Variants in MOCOS observed in about 807,000 individuals in gnomAD.
MOCOS encodes the protein human molybdenum cofactor sulfurase.
MOCOS carries 86 observed loss-of-function variants against 83.6 expected under a neutral mutation model. The ratio of observed to expected loss-of-function variants is 1.03; its 90% confidence interval spans 0.86 to 1.23. The LOEUF (loss-of-function observed/expected upper bound fraction) is 1.23. MOCOS is among the 50% of genes most tolerant of loss of function. MOCOS has a pLI of 0.00. For synonymous variants in MOCOS, 445 were observed against 434.7 expected (o/e 1.02, Z -0.29); for missense variants, 1,120 against 1,126.9 (o/e 0.99, Z 0.09).
intron 9 of MOCOS, among the ~76,000 whole-genome samples, chr18:36,239,780 C>T (rs1232971789): frequency 1.1e-4 from 16 of 150,036 alleles, no homozygotes; most frequent in East Asian, 3.9e-4. Flanking sequence ...ACCAATCAGA[C>T]GTAGATTTGG....
At chr18:36,252,111 C>T (rs2091624241) in intron 11 of MOCOS, among the ~76,000 whole-genome samples, 1 of 152,124 alleles carries the variant, frequency 6.6e-6, no homozygotes, top group African/African-American at 2.4e-5. Context: ...CTTAAAATAG[C>T]ACCTGGCACA....
At chr18:36,223,913 C>T (rs1172384644) in intron 9 of MOCOS, among the ~76,000 whole-genome samples, 3 of 152,140 alleles carry the variant, frequency 2.0e-5, no homozygotes, top group Admixed American at 1.3e-4. Flanking sequence ...CTCACTGCAG[C>T]CTTGAACTCC....
At chr18:36,228,314 T>C (rs559280457) in intron 9 of MOCOS, among the ~76,000 whole-genome samples, 32 of 152,010 alleles carry the variant, frequency 2.1e-4, no homozygotes, top group African/African-American at 7.7e-4. Context: ...TTTGACCCAG[T>C]AATCCCATTA....
intron 14 of MOCOS, 121 bp from the exon 15 acceptor site, chr18:36,268,412 A>C: frequency 1.7e-6 from 2 of 1,209,862 alleles, no homozygotes; most frequent in Non-Finnish European, 2.4e-6. Context: ...GGAGATATCA[A>C]GTCTCAGTAT....
rs555380357 is a variant in MOCOS, at chr18:36,234,105, T to C, written c.1960+13888T>C. ...GGGTTCTTGGTCATGAATTCTTTGCTTACCGCAATATCTAGAAGGGTTTTT... is the reference window on the plus strand; with the variant it reads ...GGGTTCTTGGTCATGAATTCTTTGCCTACCGCAATATCTAGAAGGGTTTTT... On this transcript the variant is annotated intron_variant, in intron 9 of 14. Transcript: ENST00000261326. Among the ~76,000 whole-genome samples the C allele has an allele frequency of 3.7e-4, 56 of 152,310 alleles. 1 individual carries two copies. Among genetic ancestry groups the C allele is most frequent in the South Asian group, 1.7e-3 (8 of 4,826 alleles).
At chr18:36,267,405 G>A (rs891374070) in intron 14 of MOCOS, among the ~76,000 whole-genome samples, 1 of 152,158 alleles carries the variant, frequency 6.6e-6, no homozygotes, top group African/African-American at 2.4e-5. Context: ...AAGAATTCCA[G>A]GAAGCCAAGA....
chr18:36,202,993 A>G, intron 4 of MOCOS, 120 bp from the exon 5 acceptor site: 1 of 935,612 alleles, frequency 1.1e-6, no homozygotes, highest in East Asian at 2.4e-5. Context: ...TTAGGTGGAG[A>G]CATAAAGCCA....
chr18:36,263,654 G>A (rs2091671764), intron 13 of MOCOS, among the ~76,000 whole-genome samples: 1 of 152,200 alleles, frequency 6.6e-6, no homozygotes, highest in African/African-American at 2.4e-5. Flanking sequence ...AATCTGGGAT[G>A]TCCTGGGATG....
At chr18:36,240,548 C>G (rs1008538701) in intron 9 of MOCOS, among the ~76,000 whole-genome samples, 6 of 151,370 alleles carry the variant, frequency 4.0e-5, no homozygotes, top group Non-Finnish European at 8.8e-5. Context: ...AGCTGTCAGA[C>G]AGGGACATTT....
chr18:36,208,220 A>T (rs2091441587), intron 6 of MOCOS, among the ~76,000 whole-genome samples: 1 of 152,122 alleles, frequency 6.6e-6, no homozygotes, highest in African/African-American at 2.4e-5. Context: ...GTTTGATGTC[A>T]TGTAGTGTGA....
chr18:36,187,866 G>T (rs1020749549), intron 1 of MOCOS, among the ~76,000 whole-genome samples, 185 bp downstream of exon 1: 4 of 152,206 alleles, frequency 2.6e-5, no homozygotes, highest in Non-Finnish European at 5.9e-5. Flanking sequence ...CAGCCCCAAG[G>T]CTTCTTGCTA....
chr18:36,210,377 C>G (rs575306388), intron 6 of MOCOS, among the ~76,000 whole-genome samples: 1 of 152,114 alleles, frequency 6.6e-6, no homozygotes, highest in African/African-American at 2.4e-5. Context: ...TGTGCAGACC[C>G]CTTGCCCCCA....
In MOCOS at chr18:36,239,387, CT is replaced by C. The variant is rs1265772102; in HGVS notation, c.1961-9533del. On this transcript the variant is annotated intron_variant, in intron 9 of 14. Coordinates refer to ENST00000261326, the MANE Select transcript of MOCOS (RefSeq NM_017947.4). ...TGTAAAGTATTTTATTTCTCCTTCA[CT>C]TATGAAGCTTAGTTTGGCTGGATAT... Among the ~76,000 whole-genome samples, 154 of 146,890 alleles carry C rather than the reference CT, an allele frequency of 1.0e-3. No individual in the cohort carries two copies. The South Asian group carries it at 0.017, about 16-fold the overall frequency.
At chr18:36,225,853 C>A (rs1016772338) in intron 9 of MOCOS, among the ~76,000 whole-genome samples, 2 of 150,284 alleles carry the variant, frequency 1.3e-5, no homozygotes, top group Non-Finnish European at 3.0e-5. Flanking sequence ...TTTCCATTTT[C>A]TTGCTGCTAC....
At chr18:36,242,342 C>T (rs774795333) in intron 9 of MOCOS, among the ~76,000 whole-genome samples, 17 of 152,222 alleles carry the variant, frequency 1.1e-4, no homozygotes, top group Non-Finnish European at 2.1e-4. Flanking sequence ...CTATCTGAGA[C>T]TACCTTAGCC....
intron 5 of MOCOS, 56 bp from the exon 6 acceptor site, chr18:36,205,016 AGAGTG>A: frequency 3.1e-5 from 38 of 1,242,556 alleles, no homozygotes; most frequent in South Asian, 6.6e-5. Flanking sequence ...AAAAAAAAAA[AGAGTG>A]AATTGAGAAT....
At position 36,272,154 on chromosome 18, in the gene MOCOS, T is replaced by G. The variant is rs1188969609; in HGVS notation, c.*3469T>G. The G allele has an allele frequency of 6.6e-6, 1 of 152,216 alleles. No individual in the cohort carries two copies. The highest frequency in any genetic ancestry group is 2.4e-5 in the African/African-American group (1 of 41,452). 9.4% of individuals were successfully genotyped at this position (152,216 alleles called of 1,614,324 possible). A position where few individuals can be genotyped will look rare whatever the true frequency, so the allele number is the denominator to read the frequency against. Reference sequence around the variant, plus strand: ...TGATAATTAAAACGTTTTGGAACAATTCATCTCAATTTTCTTTGCTTTGTT... The same window carrying G: ...TGATAATTAAAACGTTTTGGAACAAGTCATCTCAATTTTCTTTGCTTTGTT... On this transcript the variant is annotated 3_prime_UTR_variant, in exon 15 of 15. Coordinates refer to ENST00000261326, the MANE Select transcript of MOCOS (RefSeq NM_017947.4).
intron 1 of MOCOS, among the ~76,000 whole-genome samples, chr18:36,192,057 C>T (rs2091368166): frequency 1.3e-5 from 2 of 152,180 alleles, no homozygotes; most frequent in Admixed American, 6.5e-5. Flanking sequence ...TGAAACAAGA[C>T]AAAAGTGCCT....
At chr18:36,219,218 A>C (rs1316947842) in intron 8 of MOCOS, among the ~76,000 whole-genome samples, 1 of 142,150 alleles carries the variant, frequency 7.0e-6, no homozygotes, top group African/African-American at 2.7e-5. Context: ...ACAGAGTCTC[A>C]CTCTTGTCGC....
Sources: allele counts gnomAD v4.1 joint callset (sites outside exome capture counted in the v4.1 genomes callset), GRCh38; gene constraint gnomAD v4.1.1; transcripts MANE v1.5; gene names NCBI Gene and HGNC (gene_info 2026-07-23, HGNC 2026-07-21).